FRMD3: variants seen among roughly 807,000 people sequenced by gnomAD.
FRMD3 encodes FERM domain containing 3.
Under a neutral mutation model 70.2 loss-of-function variants are expected in FRMD3, and 33 were observed. The observed-to-expected ratio is 0.47, with a 90% CI of 0.36 to 0.63. The LOEUF is 0.63. Ranked by LOEUF, FRMD3 falls within the 20% of genes least tolerant of loss-of-function variation. The pLI is 0.00. For missense variants in FRMD3, 632 were observed against 711.4 expected, an observed-to-expected ratio of 0.89 and a Z score of 1.27; for synonymous variants, 279 against 255.9, an observed-to-expected ratio of 1.09 and a Z score of -0.86.
intron 13 of FRMD3, among the ~76,000 whole-genome samples, chr9:83,270,836 C>T (rs1833519298): frequency 6.8e-6 from 1 of 148,008 alleles, no homozygotes; most frequent in Non-Finnish European, 1.5e-5. Context: ...TTTTTCAATA[C>T]ATGGTCATTT....
intron 1 of FRMD3, among the ~76,000 whole-genome samples, chr9:83,445,369 G>GATAGATAA (rs1827428372): frequency 6.6e-6 from 1 of 151,332 alleles, no homozygotes; most frequent in Non-Finnish European, 1.5e-5. Context: ...TAGATAGATA[G>GATAGATAA]ATAGATAGAT....
intron 1 of FRMD3, among the ~76,000 whole-genome samples, chr9:83,416,422 T>C (rs142636830): frequency 0.012 from 1,819 of 152,350 alleles, 51 homozygotes; most frequent in African/African-American, 0.042. Context: ...TGCAGTGGCC[T>C]TCTCTGCATC....
intron 1 of FRMD3, among the ~76,000 whole-genome samples, chr9:83,413,997 T>TC (rs1457824508): frequency 6.6e-6 from 1 of 152,126 alleles, no homozygotes; most frequent in Non-Finnish European, 1.5e-5. Flanking sequence ...GTGTTGAAAT[T>TC]CCCTTTTTGC....
the FRMD3 span, among the ~76,000 whole-genome samples, chr9:83,574,274 A>G: frequency 6.6e-6 from 1 of 152,218 alleles, no homozygotes; most frequent in African/African-American, 2.4e-5. Context: ...AAACAAAATG[A>G]TAAGTGTGAT....
Position 83,538,080 on chromosome 9 carries a change from C to T in FRMD3, c.147+5G>A, listed in dbSNP as rs769020448. 6.2e-7 allele frequency: 1 copy of T among 1,611,778 alleles called. No homozygotes were observed. Among genetic ancestry groups the T allele is most frequent in the Non-Finnish European group, 8.5e-7 (1 of 1,178,400 alleles). Reference sequence around the variant, plus strand: ...CCCCGCGCCCTCGCCCGGTTCCACGCGCACCTGGATGTGGCAGGAGATCTC... The same window carrying T: ...CCCCGCGCCCTCGCCCGGTTCCACGTGCACCTGGATGTGGCAGGAGATCTC... On this transcript the variant is annotated splice_donor_5th_base_variant and intron_variant, in intron 1 of 13. Transcript: ENST00000304195. This position sits in a 1 kb window ranked among gnomAD's most constrained non-coding sequence, Gnocchi z 4.7.
intron 1 of FRMD3, among the ~76,000 whole-genome samples, chr9:83,453,847 C>T (rs1407130084): frequency 5.9e-5 from 9 of 151,456 alleles, no homozygotes; most frequent in Admixed American, 4.0e-4. Flanking sequence ...TCCCAAGTAG[C>T]TGGGACTACA....
the FRMD3 span, among the ~76,000 whole-genome samples, chr9:83,551,144 T>C: frequency 6.6e-6 from 1 of 152,082 alleles, no homozygotes; most frequent in Non-Finnish European, 1.5e-5. Context: ...TTCTGGGGTA[T>C]GTTCTTTCAA....
the FRMD3 span, among the ~76,000 whole-genome samples, chr9:83,564,874 A>G: frequency 5.5e-3 from 839 of 152,310 alleles, 8 homozygotes; most frequent in African/African-American, 0.019. Context: ...CCAGGAGGCC[A>G]TAAGATGGCA....
chr9:83,478,930 C>A (rs1828463208), intron 1 of FRMD3, among the ~76,000 whole-genome samples: 2 of 152,016 alleles, frequency 1.3e-5, no homozygotes, highest in Non-Finnish European at 2.9e-5. Context: ...AGAAAGTGAA[C>A]CCTGGAATAC....
chr9:83,419,236 G>A (rs1356255493), intron 1 of FRMD3, among the ~76,000 whole-genome samples: 1 of 152,082 alleles, frequency 6.6e-6, no homozygotes, highest in African/African-American at 2.4e-5. Context: ...TCACCACTAT[G>A]TAATTCATCT....
At chr9:83,408,991 A>C (rs1029472893) in intron 1 of FRMD3, among the ~76,000 whole-genome samples, 1 of 152,192 alleles carries the variant, frequency 6.6e-6, no homozygotes, top group Non-Finnish European at 1.5e-5. Flanking sequence ...TTGTCCTGAA[A>C]GTCTACCCAG....
At chr9:83,419,322 TA>T (rs913211756) in intron 1 of FRMD3, among the ~76,000 whole-genome samples, 14 of 151,952 alleles carry the variant, frequency 9.2e-5, no homozygotes, top group Admixed American at 7.9e-4. Context: ...AGATTAACCA[TA>T]AAAAAAAGAA....
intron 1 of FRMD3, among the ~76,000 whole-genome samples, chr9:83,397,596 G>A (rs1382545530): frequency 6.6e-6 from 1 of 152,120 alleles, no homozygotes; most frequent in Non-Finnish European, 1.5e-5. Flanking sequence ...TTTGCTCTGG[G>A]GTTGGCACTG....
Position 83,322,390 on chromosome 9 carries a change from TG to T in FRMD3, c.597-8644del, listed in dbSNP as rs372010706. ...GGCAAGCAGTGTGGACGAGAAGCTGTGGAGAGTGCAGCCCACTCACATCTCA... is the reference window on the plus strand; with the variant it reads ...GGCAAGCAGTGTGGACGAGAAGCTGTGAGAGTGCAGCCCACTCACATCTCA... On this transcript the variant is annotated intron_variant, in intron 6 of 13. Coordinates refer to ENST00000304195, the MANE Select transcript of FRMD3 (RefSeq NM_174938.6). Among the ~76,000 whole-genome samples, 1,225 of 151,984 alleles carry T rather than the reference TG, an allele frequency of 8.1e-3. 7 individuals carry two copies. The highest frequency in any genetic ancestry group is 0.014 in the Non-Finnish European group (919 of 67,940).
intron 6 of FRMD3, among the ~76,000 whole-genome samples, chr9:83,325,721 G>C (rs538527331): frequency 1.3e-5 from 2 of 152,162 alleles, no homozygotes; most frequent in Non-Finnish European, 2.9e-5. Flanking sequence ...ACTCAGATCC[G>C]ATTAGAGAAT....
chr9:83,343,740 A>G (rs1422472929), intron 4 of FRMD3, among the ~76,000 whole-genome samples: 1 of 152,250 alleles, frequency 6.6e-6, no homozygotes, highest in African/African-American at 2.4e-5. Context: ...AGGGGCAGAG[A>G]GACACATTAA....
At chr9:83,288,992 A>C (rs1834318877) in intron 13 of FRMD3, among the ~76,000 whole-genome samples, 1 of 152,208 alleles carries the variant, frequency 6.6e-6, no homozygotes, top group Non-Finnish European at 1.5e-5. Context: ...CTTTGCAGAC[A>C]AGGTACAGTC....
chr9:83,298,840 G>A (rs373238207), intron 11 of FRMD3, 24 bp from the exon 12 acceptor site: 2 of 1,607,386 alleles, frequency 1.2e-6, no homozygotes, highest in Non-Finnish European at 1.7e-6. Flanking sequence ...AAACACATGT[G>A]TATGCACACA....
At position 83,246,406 on chromosome 9, in the gene FRMD3, T is replaced by A; in HGVS notation, c.*1512A>T. 1.0e-6 allele frequency: 1 copy of A among 984,620 alleles called. No individual in the cohort carries two copies. The highest frequency in any genetic ancestry group is 1.2e-6 in the Non-Finnish European group (1 of 829,366). The allele number at this position is 984,620 out of a possible 1,614,324, so 61.0% of individuals were successfully genotyped here. On this transcript the variant is annotated 3_prime_UTR_variant, in exon 14 of 14. Coordinates refer to ENST00000304195, the MANE Select transcript of FRMD3 (RefSeq NM_174938.6). ...TCCTTGATACCATTAAATTGTTGGATTAAATCCTTTCCATCATGGATTTAA... is the reference window on the plus strand; with the variant it reads ...TCCTTGATACCATTAAATTGTTGGAATAAATCCTTTCCATCATGGATTTAA...
Sources: allele counts gnomAD v4.1 joint callset (sites outside exome capture counted in the v4.1 genomes callset), GRCh38; gene constraint gnomAD v4.1.1; non-coding constraint Gnocchi (gnomAD v3.1); transcripts MANE v1.5; gene names NCBI Gene and HGNC (gene_info 2026-07-23, HGNC 2026-07-21).